PDZD2: variants seen among roughly 807,000 people sequenced by gnomAD.
The protein encoded by PDZD2 is PDZ domain containing 2.
A neutral mutation model predicts 220.7 loss-of-function variants in PDZD2; 90 were observed. The observed-to-expected ratio is 0.41, with a 90% CI of 0.34 to 0.49. The LOEUF (loss-of-function observed/expected upper bound fraction) is 0.49. Among genes scored for constraint, PDZD2 ranks in the 20% least tolerant of loss-of-function variants. The probability of loss-of-function intolerance (pLI) is 0.28; values close to 1 mark genes in which losing one functional copy is unlikely to be tolerated. For synonymous variants in PDZD2, 1,375 were observed against 1,450.5 expected (o/e 0.95, Z 1.18); for missense variants, 3,174 against 3,608.5 (o/e 0.88, Z 3.08).
intron 1 of PDZD2, among the ~76,000 whole-genome samples, chr5:31,659,643 C>T (rs1745686844): frequency 6.6e-6 from 1 of 152,076 alleles, no homozygotes; most frequent in South Asian, 2.1e-4. Flanking sequence ...ATTTCAGTGG[C>T]TTTTCTTGTA....
chr5:31,747,954 T>TAAAACTCTGGA (rs1327660420), intron 1 of PDZD2: 1 of 152,284 alleles, frequency 6.6e-6, no homozygotes, highest in African/African-American at 2.4e-5. Context: ...TTTTCTCTGT[T>TAAAACTCTGGA]AAAACTCTGG....
chr5:31,886,025 A>T (rs1358653561), intron 2 of PDZD2, among the ~76,000 whole-genome samples: 1 of 151,574 alleles, frequency 6.6e-6, no homozygotes, highest in Non-Finnish European at 1.5e-5. Flanking sequence ...TCAGCCTCCC[A>T]AGTAGCTGGG....
chr5:31,999,008 G>A lies in PDZD2; in HGVS notation c.1122-1131G>A, dbSNP rs142138103. ...AACTGTTGACTCACCACGATTGAAGGGGCCTGTCCAGTGCTCTGGCACAGT... is the reference window on the plus strand; with the variant it reads ...AACTGTTGACTCACCACGATTGAAGAGGCCTGTCCAGTGCTCTGGCACAGT... On this transcript the variant is annotated intron_variant, in intron 4 of 24. Coordinates refer to ENST00000438447, the MANE Select transcript of PDZD2 (RefSeq NM_178140.4). 2.1e-3 allele frequency among the ~76,000 whole-genome samples: 317 copies of A among 152,348 alleles called. 1 individual carries two copies. The highest frequency in any genetic ancestry group is 9.5e-3 in the South Asian group (46 of 4,832).
intron 2 of PDZD2, among the ~76,000 whole-genome samples, chr5:31,930,351 C>T (rs7449148): frequency 0.79 from 119,297 of 151,528 alleles, 47,026 homozygotes; most frequent in Middle Eastern, 0.85. Context: ...GACTACACCA[C>T]GCCCGGCTAA....
In PDZD2 at chr5:31,983,404, G is replaced by A. The variant is rs756332358; in HGVS notation, c.726G>A (p.Val242=). The change falls in exon 3 of 25, where the codon GTG becomes GTA. Residue 242 remains valine (V), a synonymous_variant. Coordinates refer to ENST00000438447, the MANE Select transcript of PDZD2 (RefSeq NM_178140.4). ...EESKGSAGCE[V]SSDPSTELEN... ...CCAAGGGCAGCGCTGGCTGTGAGGT[G>A]TCCAGTGACCCCAGCACTGAGCTGG... is the stretch of plus-strand genomic sequence containing the variant. 1.8e-5 allele frequency: 29 copies of A among 1,614,184 alleles called. No individual in the cohort carries two copies. The highest frequency in any genetic ancestry group is 2.4e-5 in the Non-Finnish European group (28 of 1,180,030).
intron 1 of PDZD2, among the ~76,000 whole-genome samples, chr5:31,787,179 G>C (rs563734143): frequency 6.3e-4 from 96 of 152,150 alleles, no homozygotes; most frequent in Non-Finnish European, 9.8e-4. Context: ...AGCCCTGACT[G>C]TTCTCAGTCA....
intron 5 of PDZD2, among the ~76,000 whole-genome samples, chr5:32,009,080 C>CA (rs770295913): frequency 1.5e-4 from 23 of 152,052 alleles, no homozygotes; most frequent in Admixed American, 7.9e-4. Context: ...CTCGGTGGCT[C>CA]ATGCCTGTAA....
chr5:32,082,731 T>C (rs2112443832), intron 19 of PDZD2, among the ~76,000 whole-genome samples: 1 of 152,326 alleles, frequency 6.6e-6, no homozygotes, highest in East Asian at 1.9e-4. Context: ...TATGTGTGTA[T>C]GTATACCTAC....
At chr5:32,079,729 T>A (rs1039229138) in intron 19 of PDZD2, among the ~76,000 whole-genome samples, 1 of 151,840 alleles carries the variant, frequency 6.6e-6, no homozygotes, top group Non-Finnish European at 1.5e-5. Context: ...GAGAATCGTT[T>A]AAACCCAGGA....
chr5:31,887,648 G>A (rs1740634403), intron 2 of PDZD2, among the ~76,000 whole-genome samples: 1 of 152,120 alleles, frequency 6.6e-6, no homozygotes, highest in East Asian at 1.9e-4. Flanking sequence ...TGGAACAATA[G>A]GGCTGATTTT....
rs148071535 is a variant in PDZD2 at position 31,701,913 on chromosome 5, C to G, written c.-361+62476C>G. 3.7e-3 allele frequency among the ~76,000 whole-genome samples: 571 copies of G among 152,346 alleles called. 5 individuals carry two copies. The highest frequency in any genetic ancestry group is 6.2e-3 in the Non-Finnish European group (419 of 68,038). On this transcript the variant is annotated intron_variant, in intron 1 of 24. Transcript: ENST00000438447. ...GTCTAAAATATCTGATCTGGAGGTT[C>G]CCTCCCTGCTTTCCCCTCCACCTCA...
In PDZD2 at chr5:32,068,678, A is replaced by C. The variant is rs1010138482; in HGVS notation, c.2452-891A>C. On this transcript the variant is annotated intron_variant, in intron 14 of 24. Transcript: ENST00000438447. The stretch of plus-strand genomic sequence containing the variant: ...CTGGAATATGAAATCTATGTTACAC[A>C]GTCATCAATGTTGCATTTCCTGAAT... Among the ~76,000 whole-genome samples the C allele has an allele frequency of 5.9e-5, 9 of 152,340 alleles. No individual in the cohort carries two copies. In the East Asian group the frequency reaches 1.7e-3, roughly 29 times the overall value.
chr5:32,093,586 A>G (rs1453512251), intron 21 of PDZD2, among the ~76,000 whole-genome samples: 2 of 152,250 alleles, frequency 1.3e-5, no homozygotes, highest in African/African-American at 4.8e-5. Context: ...CCTTACTGAT[A>G]ACATAAACAG....
intron 15 of PDZD2, among the ~76,000 whole-genome samples, chr5:32,070,626 A>C (rs1161742955): frequency 6.6e-6 from 1 of 152,224 alleles, no homozygotes; most frequent in Non-Finnish European, 1.5e-5. Context: ...TTCTTGGGTG[A>C]TGTTCATTTG....
chr5:31,822,682 TCAA>T, intron 2 of PDZD2: 4 of 1,315,596 alleles, frequency 3.0e-6, no homozygotes, highest in Non-Finnish European at 4.2e-6. Context: ...TGAAACAAGC[TCAA>T]TGTCATTTCC....
intron 5 of PDZD2, among the ~76,000 whole-genome samples, chr5:32,006,632 C>T (rs1159083818): frequency 6.6e-6 from 1 of 151,166 alleles, no homozygotes; most frequent in Non-Finnish European, 1.5e-5. Flanking sequence ...CTACCTAGGA[C>T]TCCCAAGGTA....
intron 2 of PDZD2, among the ~76,000 whole-genome samples, chr5:31,815,214 C>CA (rs2150247599): frequency 7.2e-6 from 1 of 139,292 alleles, no homozygotes; most frequent in Non-Finnish European, 1.5e-5. Flanking sequence ...CACTGCACTC[C>CA]AGCCTAGGCA....
intron 1 of PDZD2, among the ~76,000 whole-genome samples, chr5:31,652,077 C>T (rs935248925): frequency 6.6e-5 from 10 of 150,720 alleles, no homozygotes; most frequent in South Asian, 4.2e-4. Context: ...GTGATCCGCT[C>T]GCCTTGGCCT....
chr5:31,809,178 G>T (rs1225127928), intron 2 of PDZD2, among the ~76,000 whole-genome samples: 1 of 152,138 alleles, frequency 6.6e-6, no homozygotes, highest in Non-Finnish European at 1.5e-5. Flanking sequence ...AGAGGACAGT[G>T]GGAGCTTGCT....
Sources: allele counts gnomAD v4.1 joint callset (sites outside exome capture counted in the v4.1 genomes callset), GRCh38; gene constraint gnomAD v4.1.1; transcripts MANE v1.5; gene names NCBI Gene and HGNC (gene_info 2026-07-23, HGNC 2026-07-21).